KCND3: variants seen among roughly 807,000 people sequenced by gnomAD.
KCND3 encodes the protein potassium voltage-gated channel subfamily D member 3.
Under a neutral mutation model 51.1 loss-of-function variants are expected in KCND3, and 9 were observed. The observed-to-expected ratio is 0.18, with a 90% CI of 0.11 to 0.31. The LOEUF is 0.31. Among genes scored for constraint, KCND3 ranks in the 10% least tolerant of loss-of-function variants. KCND3 has a pLI of 1.00. For missense variants in KCND3, 526 were observed against 903.8 expected (o/e 0.58, Z 5.36); for synonymous variants, 349 against 368.0 (o/e 0.95, Z 0.59).
chr1:111,820,920 G>A (rs1343056575), intron 2 of KCND3, among the ~76,000 whole-genome samples: 2 of 152,248 alleles, frequency 1.3e-5, no homozygotes, highest in Non-Finnish European at 2.9e-5. Context: ...ACGACCAGAA[G>A]AGAGGCAGGG....
chr1:111,941,289 A>G (rs746033834), intron 2 of KCND3, among the ~76,000 whole-genome samples: 5 of 152,040 alleles, frequency 3.3e-5, no homozygotes, highest in Admixed American at 1.3e-4. Context: ...TGAGGAGGTA[A>G]TCTGGTGCCT....
rs901353356 is a variant in KCND3 at position 111,777,387 on chromosome 1, C to G, written c.1519-114G>C. On this transcript the variant is annotated intron_variant, in intron 6 of 7. Transcript: ENST00000302127. ...TTCTGGACCTTGAAGGAAGGGCTCC[C>G]AGCTGCCCGGATCACAGATAAGCAT... 4.5e-6 allele frequency: 5 copies of G among 1,121,212 alleles called. No individual in the cohort carries two copies. The African/African-American group carries it at 7.6e-5, about 17-fold the overall frequency. 69.5% of individuals were successfully genotyped at this position (1,121,212 alleles called of 1,614,324 possible).
At chr1:111,904,341 C>T (rs941443867) in intron 2 of KCND3, among the ~76,000 whole-genome samples, 2 of 152,134 alleles carry the variant, frequency 1.3e-5, no homozygotes, top group Non-Finnish European at 2.9e-5. Flanking sequence ...CCTCCACTGT[C>T]CCCAAGGCCT....
chr1:111,841,060 G>T (rs1158916680), intron 2 of KCND3, among the ~76,000 whole-genome samples: 1 of 152,162 alleles, frequency 6.6e-6, no homozygotes, highest in East Asian at 1.9e-4. Context: ...CACCTTTTAA[G>T]GGATAAAATT....
In KCND3 at chr1:111,786,991, G is replaced by A; in HGVS notation, c.1222C>T (p.Arg408Trp). ...GCTCTCTGATTCTGGTGGTAAATCC[G>A]GCTAAAGTTGGAAACAATCACAGGG... The part of the protein sequence containing the change: ...PVPVIVSNFS[R>W]IYHQNQRADK... Residue 408 changes from arginine (R) to tryptophan (W), a missense_variant, in exon 3 of 8, where the codon CGG becomes TGG. By Grantham distance (101) the Arg-to-Trp change is moderately radical. This residue lies in a region of KCND3 where 48 missense variants were observed against 228.5 expected (regional missense o/e 0.21). Coordinates refer to ENST00000302127, the MANE Select transcript of KCND3 (RefSeq NM_001378969.1). 6.2e-7 allele frequency: 1 copy of A among 1,614,136 alleles called. No individual in the cohort carries two copies.
At chr1:111,939,003 A>G (rs999441317) in intron 2 of KCND3, among the ~76,000 whole-genome samples, 6 of 152,196 alleles carry the variant, frequency 3.9e-5, no homozygotes, top group African/African-American at 7.2e-5. Context: ...TGGCTGCTCA[A>G]TGTGTGGTTC....
chr1:111,812,610 G>A (rs894153059), intron 2 of KCND3, among the ~76,000 whole-genome samples: 4 of 152,232 alleles, frequency 2.6e-5, no homozygotes, highest in African/African-American at 4.8e-5. Flanking sequence ...AGGGCCCAAT[G>A]TAGTAGGTTC....
chr1:111,928,213 T>A (rs1044530602), intron 2 of KCND3, among the ~76,000 whole-genome samples: 1 of 152,192 alleles, frequency 6.6e-6, no homozygotes, highest in Non-Finnish European at 1.5e-5. Context: ...TAGAACAGTG[T>A]CTGTCGCATA....
intron 2 of KCND3, among the ~76,000 whole-genome samples, chr1:111,949,472 C>G (rs1251653476): frequency 6.6e-6 from 1 of 152,094 alleles, no homozygotes; most frequent in African/African-American, 2.4e-5. Context: ...AAGAGCCTCT[C>G]AGTTGGGCTG....
At chr1:111,914,823 G>A (rs1014775286) in intron 2 of KCND3, among the ~76,000 whole-genome samples, 1 of 151,986 alleles carries the variant, frequency 6.6e-6, no homozygotes, top group Non-Finnish European at 1.5e-5. Flanking sequence ...TCTACACAAA[G>A]GAATAAAAAA....
chr1:111,962,562 C>T lies in KCND3; in HGVS notation c.1106+19059G>A, dbSNP rs373313736. Among the ~76,000 whole-genome samples, 239 of 152,332 alleles carry T rather than the reference C, an allele frequency of 1.6e-3. 1 individual carries two copies. The highest frequency in any genetic ancestry group is 5.5e-3 in the African/African-American group (229 of 41,588). On this transcript the variant is annotated intron_variant, in intron 2 of 7. Coordinates refer to ENST00000302127, the MANE Select transcript of KCND3 (RefSeq NM_001378969.1). ...ACATCCCACTCTTAGGGACTTAGAG[C>T]CCCTGCCTTTGCATGGGCTTCACTA...
At chr1:111,806,208 A>G (rs1015046074) in intron 2 of KCND3, among the ~76,000 whole-genome samples, 8 of 152,174 alleles carry the variant, frequency 5.3e-5, no homozygotes, top group African/African-American at 1.9e-4. Flanking sequence ...ATCTTTTTCA[A>G]CAGAGGCCTT....
At chr1:111,968,797 A>T (rs1557755670) in intron 2 of KCND3, among the ~76,000 whole-genome samples, 2 of 152,062 alleles carry the variant, frequency 1.3e-5, no homozygotes, top group African/African-American at 2.4e-5. Flanking sequence ...CTGGGCTGTG[A>T]TCTCTCTAGT....
chr1:111,908,643 C>T (rs945938195), intron 2 of KCND3, among the ~76,000 whole-genome samples: 1 of 152,198 alleles, frequency 6.6e-6, no homozygotes, highest in South Asian at 2.1e-4. Context: ...CTCCACCCAA[C>T]TTCTCTCCCG....
chr1:111,834,961 A>G (rs1199202823), intron 2 of KCND3, among the ~76,000 whole-genome samples: 1 of 152,158 alleles, frequency 6.6e-6, no homozygotes, highest in Admixed American at 6.5e-5. Context: ...ATTGCATCCA[A>G]TGGGTTCAGA....
Position 111,780,772 on chromosome 1 carries a change from A to G in KCND3, c.1289T>C (p.Ile430Thr). 6.2e-7 allele frequency: 1 copy of G among 1,613,426 alleles called. No homozygotes were observed. The highest frequency in any genetic ancestry group is 8.5e-7 in the Non-Finnish European group (1 of 1,179,836). The change falls in exon 4 of 8, where the codon ATC becomes ACC. Residue 430 changes from isoleucine to threonine, a missense_variant. By Grantham distance (89) the Ile-to-Thr change is moderately conservative. Transcript: ENST00000302127. The surrounding 1 kb of genome is among the most constrained non-coding windows in gnomAD (Gnocchi z 4.2). The stretch of plus-strand genomic sequence containing the variant: ...CGAACTGCCTGTTTTGGCCACACGG[A>G]TCCTGGCAAGGCGGGCCTTCTGTGA... ...RAQKKARLAR[I>T]RVAKTGSSNA...
At chr1:111,872,223 A>T (rs1668855747) in intron 2 of KCND3, among the ~76,000 whole-genome samples, 1 of 152,198 alleles carries the variant, frequency 6.6e-6, no homozygotes, top group Non-Finnish European at 1.5e-5. Flanking sequence ...GCACCAAAGA[A>T]AAGACAAGAC....
At chr1:111,809,314 C>CTT (rs869227221) in intron 2 of KCND3, among the ~76,000 whole-genome samples, 7 of 60,882 alleles carry the variant, frequency 1.1e-4, no homozygotes, top group African/African-American at 4.4e-4. Flanking sequence ...ATTTTTCTTT[C>CTT]TTTTTTTTTT....
intron 2 of KCND3, among the ~76,000 whole-genome samples, chr1:111,922,645 G>A (rs1287638150): frequency 3.3e-5 from 5 of 152,172 alleles, no homozygotes; most frequent in Non-Finnish European, 7.3e-5. Flanking sequence ...GATTAATTCA[G>A]TTAATACATG....
Sources: allele counts gnomAD v4.1 joint callset (sites outside exome capture counted in the v4.1 genomes callset), GRCh38; gene constraint gnomAD v4.1.1; regional missense constraint gnomAD v4.1.1; non-coding constraint Gnocchi (gnomAD v3.1); transcripts MANE v1.5; gene names NCBI Gene and HGNC (gene_info 2026-07-23, HGNC 2026-07-21).